The following KCND2 variants were observed in gnomAD, a reference collection of about 807,000 sequenced individuals.
KCND2 encodes the protein A-type voltage-gated potassium channel KCND2.
Under a neutral mutation model 54.4 loss-of-function variants are expected in KCND2, and 16 were observed. That is an observed-to-expected ratio of 0.29 (90% CI 0.20 to 0.45). The LOEUF (loss-of-function observed/expected upper bound fraction) is 0.45, where lower values mean the gene tolerates loss of function less well. KCND2 is among the 20% of genes least tolerant of loss of function. The probability of loss-of-function intolerance (pLI) is 1.00; values close to 1 mark genes in which losing one functional copy is unlikely to be tolerated. For synonymous variants in KCND2, 317 were observed against 310.7 expected, an observed-to-expected ratio of 1.02 and a Z score of -0.21; for missense variants, 486 against 824.2, an observed-to-expected ratio of 0.59 and a Z score of 5.02.
intron 1 of KCND2, among the ~76,000 whole-genome samples, chr7:120,314,288 G>A (rs575607784): frequency 8.2e-4 from 123 of 150,002 alleles, no homozygotes; most frequent in Admixed American, 2.1e-3. Context: ...AGCCGAGATC[G>A]CACCACTGCA....
intron 1 of KCND2, among the ~76,000 whole-genome samples, chr7:120,321,051 A>T (rs1171099459): frequency 6.6e-6 from 1 of 152,166 alleles, no homozygotes; most frequent in Non-Finnish European, 1.5e-5. Flanking sequence ...CCAGCATTAA[A>T]TGCTAACCTT....
At chr7:120,402,978 T>C (rs1801287114) in intron 1 of KCND2, among the ~76,000 whole-genome samples, 1 of 152,128 alleles carries the variant, frequency 6.6e-6, no homozygotes, top group South Asian at 2.1e-4. Context: ...TTGGGAAGCA[T>C]AACTGGAAAT....
intron 1 of KCND2, among the ~76,000 whole-genome samples, chr7:120,689,333 C>T (rs1792241965): frequency 6.6e-6 from 1 of 152,084 alleles, no homozygotes; most frequent in Admixed American, 6.6e-5. Flanking sequence ...AATTATGCTG[C>T]AATACAAATT....
intron 1 of KCND2, among the ~76,000 whole-genome samples, chr7:120,543,655 A>G (rs1792009843): frequency 6.6e-6 from 1 of 152,030 alleles, no homozygotes; most frequent in Admixed American, 6.6e-5. Flanking sequence ...ATGAGCTTTA[A>G]AAAACAGAGA....
chr7:120,625,468 G>T (rs1272530642), intron 1 of KCND2, among the ~76,000 whole-genome samples: 1 of 152,094 alleles, frequency 6.6e-6, no homozygotes, highest in Non-Finnish European at 1.5e-5. Flanking sequence ...ATATGTTGCG[G>T]TGTTTTATGT....
intron 1 of KCND2, among the ~76,000 whole-genome samples, chr7:120,716,883 C>T (rs2116088626): frequency 6.6e-6 from 1 of 152,094 alleles, no homozygotes; most frequent in Non-Finnish European, 1.5e-5. Context: ...TCCAAGATCC[C>T]CGGTGGATGC....
chr7:120,352,073 G>A (rs1041836630), intron 1 of KCND2, among the ~76,000 whole-genome samples: 2 of 152,022 alleles, frequency 1.3e-5, no homozygotes, highest in South Asian at 2.1e-4. Context: ...AAGTAGCTGG[G>A]ACTATAGGCG....
At chr7:120,494,008 T>G (rs1297242111) in intron 1 of KCND2, among the ~76,000 whole-genome samples, 1 of 152,102 alleles carries the variant, frequency 6.6e-6, no homozygotes, top group Non-Finnish European at 1.5e-5. Flanking sequence ...AAGTCATAAA[T>G]AAATGAAAAG....
At chr7:120,715,072 G>C (rs1041434486) in intron 1 of KCND2, among the ~76,000 whole-genome samples, 1 of 151,998 alleles carries the variant, frequency 6.6e-6, no homozygotes, top group African/African-American at 2.4e-5. Flanking sequence ...CTTCATTAGA[G>C]AAAGAGTACA....
chr7:120,703,384 T>G (rs1734834968), intron 1 of KCND2, among the ~76,000 whole-genome samples: 1 of 152,188 alleles, frequency 6.6e-6, no homozygotes, highest in Non-Finnish European at 1.5e-5. Flanking sequence ...TTCAGGACCT[T>G]GGCAAACTGC....
At chr7:120,562,747 A>AT (rs1440941113) in intron 1 of KCND2, among the ~76,000 whole-genome samples, 1 of 152,186 alleles carries the variant, frequency 6.6e-6, no homozygotes, top group Non-Finnish European at 1.5e-5. Context: ...GATTAATTCC[A>AT]TAAAATAAAA....
chr7:120,274,519 G>T lies in KCND2; in HGVS notation c.-114G>T, dbSNP rs909128368. 3 of 1,198,884 alleles carry T rather than the reference G, an allele frequency of 2.5e-6. No homozygotes were observed. The highest frequency in any genetic ancestry group is 2.5e-5 in the South Asian group (2 of 81,440). The allele number at this position is 1,198,884 out of a possible 1,614,324, so 74.3% of individuals were successfully genotyped here. On this transcript the variant is annotated 5_prime_UTR_variant, in exon 1 of 6. Coordinates refer to ENST00000331113, the MANE Select transcript of KCND2 (RefSeq NM_012281.3). ...TCTTGGAATAAGAGTTACACCTCTG[G>T]ACCACGTTTCTCACTAGTACTTTGC...
chr7:120,437,023 TC>T (rs1468008158), intron 1 of KCND2, among the ~76,000 whole-genome samples: 1 of 152,088 alleles, frequency 6.6e-6, no homozygotes, highest in African/African-American at 2.4e-5. Flanking sequence ...CTCATTTTCT[TC>T]CTCTTCTCAG....
chr7:120,596,103 T>C (rs904184640), intron 1 of KCND2, among the ~76,000 whole-genome samples: 1 of 152,178 alleles, frequency 6.6e-6, no homozygotes, highest in Non-Finnish European at 1.5e-5. Flanking sequence ...TGATCTTTGT[T>C]TTGATAAGGG....
chr7:120,435,133 A>G (rs1801848021), intron 1 of KCND2, among the ~76,000 whole-genome samples: 1 of 140,634 alleles, frequency 7.1e-6, no homozygotes, highest in African/African-American at 2.7e-5. Context: ...AGACAGTCTC[A>G]TTCTGCCACC....
rs564578167 is a variant in KCND2, at chr7:120,386,306, A to G, written c.1115+110559A>G. Among the ~76,000 whole-genome samples, 3 of 152,232 alleles carry G rather than the reference A, an allele frequency of 2.0e-5. No individual in the cohort carries two copies. The South Asian group carries it at 6.2e-4, about 32-fold the overall frequency. On this transcript the variant is annotated intron_variant, in intron 1 of 5. Transcript: ENST00000331113. ...GGTTCACTCTTAAGTGGTCTGCTTT[A>G]TATAATTATGTAGGAGTGATGCATC...
chr7:120,702,740 A>T (rs1392644489), intron 1 of KCND2, among the ~76,000 whole-genome samples: 1 of 152,128 alleles, frequency 6.6e-6, no homozygotes, highest in African/African-American at 2.4e-5. Flanking sequence ...ATAAGAACAC[A>T]TGGACACATA....
chr7:120,418,755 T>C lies in KCND2; in HGVS notation c.1115+143008T>C, dbSNP rs573897922. Among the ~76,000 whole-genome samples the C allele has an allele frequency of 1.1e-4, 16 of 152,268 alleles. No individual in the cohort carries two copies. The South Asian group carries it at 3.3e-3, about 32-fold the overall frequency. On this transcript the variant is annotated intron_variant, in intron 1 of 5. Coordinates refer to ENST00000331113, the MANE Select transcript of KCND2 (RefSeq NM_012281.3). ...CAGGTTAAATAAACAGCTTAGAGTA[T>C]CAGAGGCTCAACTCTGAGAATGCCA...
intron 1 of KCND2, among the ~76,000 whole-genome samples, chr7:120,565,870 G>A (rs1792290729): frequency 6.6e-6 from 1 of 152,184 alleles, no homozygotes; most frequent in Non-Finnish European, 1.5e-5. Context: ...GTCCCACAAG[G>A]TGAGAGTGAT....
Sources: gnomAD v4.1 joint callset for allele counts (sites outside exome capture counted in the v4.1 genomes callset) on GRCh38, gnomAD v4.1.1 for gene constraint, MANE v1.5 for transcripts, NCBI Gene and HGNC (gene_info 2026-07-23, HGNC 2026-07-21) for gene names.